Variants in CYP4V2 observed in about 807,000 individuals in gnomAD.
The protein encoded by CYP4V2 is cytochrome P450 4V2.
Under a neutral mutation model 60.8 loss-of-function variants are expected in CYP4V2, and 55 were observed. That is an observed-to-expected ratio of 0.90 (90% CI 0.73 to 1.13). The LOEUF is 1.13. Ranked by LOEUF, CYP4V2 falls within the 50% of genes most tolerant of loss-of-function variation. The probability of loss-of-function intolerance (pLI) is 0.00; values close to 1 mark genes in which losing one functional copy is unlikely to be tolerated. For missense variants in CYP4V2, 675 were observed against 662.9 expected (o/e 1.02, Z -0.20); for synonymous variants, 239 against 236.8 (o/e 1.01, Z -0.08).
At chr4:186,199,596 T>C (rs950738840) in intron 6 of CYP4V2, among the ~76,000 whole-genome samples, 4 of 152,192 alleles carry the variant, frequency 2.6e-5, no homozygotes, top group Non-Finnish European at 5.9e-5. Flanking sequence ...GGAACAAAGA[T>C]CTATGTATAG....
rs1324159083 is a variant in CYP4V2 at position 186,204,342 on chromosome 4, G to A, written c.988-858G>A. 2 of 162,874 alleles carry A rather than the reference G, an allele frequency of 1.2e-5. 1 individual carries two copies. Among genetic ancestry groups the A allele is most frequent in the Non-Finnish European group, 2.7e-5 (2 of 72,734 alleles). 10.1% of individuals were successfully genotyped at this position (162,874 alleles called of 1,614,324 possible). A position where few individuals can be genotyped will look rare whatever the true frequency, so the allele number is the denominator to read the frequency against. On this transcript the variant is annotated intron_variant, in intron 7 of 10. Coordinates refer to ENST00000378802, the MANE Select transcript of CYP4V2 (RefSeq NM_207352.4). Reference sequence around the variant, plus strand: ...ACGCTACGCTGGCGTAAGAGGCGGCGGTGGAGGCGCTACGCTGGCGTAAGA... The same window carrying A: ...ACGCTACGCTGGCGTAAGAGGCGGCAGTGGAGGCGCTACGCTGGCGTAAGA...
At chr4:186,199,972 T>A (rs2292429) in intron 6 of CYP4V2, among the ~76,000 whole-genome samples, 62,306 of 151,728 alleles carry the variant, frequency 0.41, 12,976 homozygotes, top group South Asian at 0.56. Context: ...AATAAATCAG[T>A]AGATGTTCCA....
At position 186,194,267 on chromosome 4, in the gene CYP4V2, A is replaced by G. The variant is rs67056118; in HGVS notation, c.215-233A>G. 0.041 allele frequency among the ~76,000 whole-genome samples: 6,181 copies of G among 152,254 alleles called. 411 individuals carry two copies. Among genetic ancestry groups the G allele is most frequent in the African/African-American group, 0.14 (5,842 of 41,532 alleles). On this transcript the variant is annotated intron_variant, in intron 1 of 10. Transcript: ENST00000378802. ...TAATTATTATTCTCTAATAGCTAAC[A>G]TGCATTATGTGTGTTTATTTGCTGT...
At chr4:186,196,660 G>T (rs1736153387) in intron 3 of CYP4V2, 1 of 390,422 alleles carries the variant, frequency 2.6e-6, no homozygotes, top group Admixed American at 4.3e-5. Flanking sequence ...TAGAAATTGA[G>T]AAAAATTCTT....
rs1218322627 is a variant in CYP4V2 at position 186,205,133 on chromosome 4, T to G, written c.988-67T>G. ...AAATCCAGAGACAATTCAAAAGAGG[T>G]TTCTGGTCACTCCTAATCATCGCAG... On this transcript the variant is annotated intron_variant, in intron 7 of 10. Coordinates refer to ENST00000378802, the MANE Select transcript of CYP4V2 (RefSeq NM_207352.4). 2.7e-6 allele frequency: 4 copies of G among 1,457,240 alleles called. No homozygotes were observed. The East Asian group carries it at 9.1e-5, about 33-fold the overall frequency. The allele number at this position is 1,457,240 out of a possible 1,614,324, so 90.3% of individuals were successfully genotyped here.
At chr4:186,196,309 T>C (rs2126584130) in intron 3 of CYP4V2, 1 of 575,884 alleles carries the variant, frequency 1.7e-6, no homozygotes, top group East Asian at 3.1e-5. Flanking sequence ...TGGTATTCAA[T>C]AGCGACTGTC....
rs991584281 is a variant in CYP4V2 at position 186,198,854 on chromosome 4, C to T, written c.675-103C>T. On this transcript the variant is annotated intron_variant, in intron 5 of 10. Coordinates refer to ENST00000378802, the MANE Select transcript of CYP4V2 (RefSeq NM_207352.4). ...TCTTAGTAGCCTCTAAGACAATCATCGTCATTCCCACGATTGCCTTCATCA... is the reference window on the plus strand; with the variant it reads ...TCTTAGTAGCCTCTAAGACAATCATTGTCATTCCCACGATTGCCTTCATCA... 1.6e-4 allele frequency: 242 copies of T among 1,558,224 alleles called. 1 individual carries two copies. The highest frequency in any genetic ancestry group is 1.2e-3 in the South Asian group (103 of 89,048).
intron 4 of CYP4V2, 78 bp from the exon 5 acceptor site, chr4:186,197,455 G>A: frequency 7.2e-7 from 1 of 1,387,958 alleles, no homozygotes; most frequent in South Asian, 1.2e-5. Flanking sequence ...TACGTCTTTA[G>A]TGTCTGCCGC....
chr4:186,194,397 A>G, intron 1 of CYP4V2, 103 bp from the exon 2 acceptor site: 1 of 979,222 alleles, frequency 1.0e-6, no homozygotes, highest in South Asian at 1.3e-5. Context: ...GTAACATATT[A>G]CAGAATTAGT....
rs1403509269 is a variant in CYP4V2, at chr4:186,212,784, G to C, written c.*2143G>C. 1 of 152,222 alleles carries C rather than the reference G, an allele frequency of 6.6e-6. No homozygotes were observed. Among genetic ancestry groups the C allele is most frequent in the Non-Finnish European group, 1.5e-5 (1 of 68,040 alleles). The allele number at this position is 152,222 out of a possible 1,614,324, so 9.4% of individuals were successfully genotyped here. On this transcript the variant is annotated 3_prime_UTR_variant, in exon 11 of 11. Transcript: ENST00000378802. ...AGCCATTTGGCAAGCCCTGTAGCCT[G>C]GGCCATTTAAGACAGGGGCGGTCTC...
At chr4:186,193,229 A>G (rs974275419) in intron 1 of CYP4V2, among the ~76,000 whole-genome samples, 1 of 152,234 alleles carries the variant, frequency 6.6e-6, no homozygotes, top group Non-Finnish European at 1.5e-5. Context: ...CTGTACAAAA[A>G]TATAGATTTT....
chr4:186,205,574 T>C (rs979925780), intron 8 of CYP4V2, among the ~76,000 whole-genome samples: 15 of 152,194 alleles, frequency 9.9e-5, no homozygotes, highest in Non-Finnish European at 4.4e-5. Flanking sequence ...CTTTGAGTCA[T>C]GGGTCGTGCA....
At chr4:186,208,793 GTTC>G in intron 8 of CYP4V2, 69 bp from the exon 9 acceptor site, 2 of 1,604,992 alleles carry the variant, frequency 1.2e-6, no homozygotes, top group Non-Finnish European at 1.7e-6. Flanking sequence ...TGATCCACCT[GTTC>G]TTTTTAGATG....
In CYP4V2 at chr4:186,191,804, C is replaced by T; in HGVS notation, c.-20C>T. 2 of 1,524,324 alleles carry T rather than the reference C, an allele frequency of 1.3e-6. No homozygotes were observed. Among genetic ancestry groups the T allele is most frequent in the Non-Finnish European group, 1.8e-6 (2 of 1,142,378 alleles). 94.4% of individuals were successfully genotyped at this position (1,524,324 alleles called of 1,614,324 possible). On this transcript the variant is annotated 5_prime_UTR_variant, in exon 1 of 11. Transcript: ENST00000378802. The stretch of plus-strand genomic sequence containing the variant: ...GCCCGCACTTTCCCGGAGTGCACCC[C>T]GCGGCCGCCAGCCGGGGCGATGGCG...
chr4:186,209,307 G>C, intron 10 of CYP4V2, 35 bp downstream of exon 10: 1 of 1,612,946 alleles, frequency 6.2e-7, no homozygotes, highest in Non-Finnish European at 8.5e-7. Flanking sequence ...GACCTTTCAG[G>C]CCCACTTGAT....
At chr4:186,207,412 CAAAA>C (rs10651706) in intron 8 of CYP4V2, among the ~76,000 whole-genome samples, 4 of 117,904 alleles carry the variant, frequency 3.4e-5, no homozygotes, top group African/African-American at 1.3e-4. Flanking sequence ...ACTCTGTCTC[CAAAA>C]AAAAAAAAAG....
chr4:186,203,113 A>C (rs1467928009), intron 7 of CYP4V2: 2 of 152,174 alleles, frequency 1.3e-5, no homozygotes, highest in Non-Finnish European at 2.9e-5. Context: ...CGTGTACATA[A>C]GCACAAAGGC....
rs2126605625 is a variant in CYP4V2, at chr4:186,211,785, C to G, written c.*1144C>G. The G allele has an allele frequency of 1.3e-5, 2 of 152,086 alleles. No individual in the cohort carries two copies. The highest frequency in any genetic ancestry group is 4.2e-4 in the South Asian group (2 of 4,814). 9.4% of individuals were successfully genotyped at this position (152,086 alleles called of 1,614,324 possible). A position where few individuals can be genotyped will look rare whatever the true frequency, so the allele number is the denominator to read the frequency against. ...ATTATATTAGTGGGACCAGTTATGA[C>G]AAGAATAATCATTATAGTACTTTTC... On this transcript the variant is annotated 3_prime_UTR_variant, in exon 11 of 11. Transcript: ENST00000378802.
chr4:186,207,581 TAATA>T (rs1561437396), intron 8 of CYP4V2, among the ~76,000 whole-genome samples: 2 of 123,618 alleles, frequency 1.6e-5, no homozygotes, highest in Admixed American at 8.3e-5. Context: ...ATTAAATAAT[TAATA>T]ATTAATACTT....
Sources: gnomAD v4.1 joint callset for allele counts (sites outside exome capture counted in the v4.1 genomes callset) on GRCh38, gnomAD v4.1.1 for gene constraint, MANE v1.5 for transcripts, NCBI Gene and HGNC (gene_info 2026-07-23, HGNC 2026-07-21) for gene names.